Variants in TMTC1 observed in about 807,000 individuals in gnomAD.
The protein encoded by TMTC1 is protein O-mannosyl-transferase TMTC1.
Under a neutral mutation model 104.8 loss-of-function variants are expected in TMTC1, and 73 were observed. The ratio of observed to expected loss-of-function variants is 0.70; its 90% CI spans 0.58 to 0.85. The LOEUF (loss-of-function observed/expected upper bound fraction) is 0.85. Among genes scored for constraint, TMTC1 ranks in the 40% least tolerant of loss-of-function variants. The pLI, the probability that TMTC1 is intolerant of heterozygous loss-of-function variation, is 0.00. For missense variants in TMTC1, 1,035 were observed against 1,096.1 expected (o/e 0.94, Z 0.79); for synonymous variants, 434 against 428.7 (o/e 1.01, Z -0.15).
At chr12:29,681,134 T>G (rs1295924034) in intron 5 of TMTC1, among the ~76,000 whole-genome samples, 1 of 143,826 alleles carries the variant, frequency 7.0e-6, no homozygotes, top group African/African-American at 2.6e-5. Context: ...AAGATGAACA[T>G]GAAATATCTG....
chr12:29,719,527 T>C (rs1182718073), intron 5 of TMTC1, among the ~76,000 whole-genome samples: 1 of 152,208 alleles, frequency 6.6e-6, no homozygotes, highest in African/African-American at 2.4e-5. Flanking sequence ...ATAGCCAATG[T>C]CAATGCTTAG....
At chr12:29,755,488 A>G (rs961293266) in intron 4 of TMTC1, among the ~76,000 whole-genome samples, 5 of 152,214 alleles carry the variant, frequency 3.3e-5, no homozygotes, top group Admixed American at 3.3e-4. Flanking sequence ...GGGCTCACAA[A>G]AACTTCATAG....
chr12:29,603,951 T>C (rs1946630103), intron 7 of TMTC1, among the ~76,000 whole-genome samples: 1 of 152,232 alleles, frequency 6.6e-6, no homozygotes. Flanking sequence ...ATTTCACATT[T>C]AAACTATAAA....
rs1370583194 is a variant in TMTC1 at position 29,512,036 on chromosome 12, C to T, written c.2508+7G>A. On this transcript the variant is annotated splice_region_variant and intron_variant, in intron 17 of 17. Coordinates refer to ENST00000539277, the MANE Select transcript of TMTC1 (RefSeq NM_001193451.2). ...CCGGTCCACATGGGAGTGAATTATT[C>T]TCCTACCTTGATGTGTTGGATGCCA... 8 of 1,613,834 alleles carry T rather than the reference C, an allele frequency of 5.0e-6. No homozygotes were observed. The East Asian group carries it at 1.8e-4, about 36-fold the overall frequency.
chr12:29,759,176 A>G (rs1287192572), intron 2 of TMTC1, among the ~76,000 whole-genome samples: 1 of 152,218 alleles, frequency 6.6e-6, no homozygotes, highest in Non-Finnish European at 1.5e-5. Context: ...AGAACTAGAA[A>G]AAAGTAAGTT....
chr12:29,659,881 T>A, intron 5 of TMTC1: 1 of 1,532,456 alleles, frequency 6.5e-7, no homozygotes, highest in South Asian at 1.2e-5. Context: ...TATACTAACC[T>A]CGTAAGAATG....
At chr12:29,571,624 A>C (rs552896999) in intron 9 of TMTC1, among the ~76,000 whole-genome samples, 1 of 152,086 alleles carries the variant, frequency 6.6e-6, no homozygotes, top group African/African-American at 2.4e-5. Flanking sequence ...CGTATCCCCA[A>C]CATGGTAATC....
At chr12:29,705,225 G>A (rs191632473) in intron 5 of TMTC1, among the ~76,000 whole-genome samples, 3 of 152,250 alleles carry the variant, frequency 2.0e-5, no homozygotes, top group Admixed American at 1.3e-4. Context: ...TTCAAATCCC[G>A]GGTGCACAGG....
chr12:29,733,882 T>C (rs929054289), intron 5 of TMTC1, among the ~76,000 whole-genome samples: 9 of 152,252 alleles, frequency 5.9e-5, no homozygotes, highest in African/African-American at 1.9e-4. Flanking sequence ...AAGCTTCCCA[T>C]GTCTTTGCTT....
intron 10 of TMTC1, among the ~76,000 whole-genome samples, chr12:29,548,098 C>T (rs1380713735): frequency 2.0e-5 from 3 of 152,102 alleles, no homozygotes; most frequent in Non-Finnish European, 4.4e-5. Context: ...GAGGGAGCGC[C>T]TCAACTGAGA....
At chr12:29,660,016 C>T in intron 5 of TMTC1, 1 of 1,472,136 alleles carries the variant, frequency 6.8e-7, no homozygotes, top group Non-Finnish European at 9.1e-7. Context: ...GTGAGATTGC[C>T]ACCAATAATC....
At chr12:29,734,801 C>A (rs1485040936) in intron 5 of TMTC1, among the ~76,000 whole-genome samples, 1 of 152,064 alleles carries the variant, frequency 6.6e-6, no homozygotes. Flanking sequence ...GTAAATATTT[C>A]CAGGAGGCAT....
At chr12:29,600,795 G>C (rs1490292073) in intron 7 of TMTC1, among the ~76,000 whole-genome samples, 1 of 152,140 alleles carries the variant, frequency 6.6e-6, no homozygotes, top group African/African-American at 2.4e-5. Flanking sequence ...CATCTCCGGA[G>C]GGGGAAAGTA....
At chr12:29,624,722 A>C (rs1937885691) in intron 6 of TMTC1, among the ~76,000 whole-genome samples, 1 of 152,188 alleles carries the variant, frequency 6.6e-6, no homozygotes, top group Non-Finnish European at 1.5e-5. Flanking sequence ...GCATCACCTA[A>C]TATTTGACAA....
In TMTC1 at chr12:29,594,024, G is replaced by A. The variant is rs114814279; in HGVS notation, c.1250+10154C>T. Reference sequence around the variant, plus strand: ...ATAAGACCCACGACTGTTTATCACCGGAACTGTCCATATTCAGGGCCTGGC... The same window carrying A: ...ATAAGACCCACGACTGTTTATCACCAGAACTGTCCATATTCAGGGCCTGGC... On this transcript the variant is annotated intron_variant, in intron 7 of 17. Coordinates refer to ENST00000539277, the MANE Select transcript of TMTC1 (RefSeq NM_001193451.2). 9.2e-3 allele frequency among the ~76,000 whole-genome samples: 1,398 copies of A among 152,278 alleles called. 19 individuals carry two copies. The highest frequency in any genetic ancestry group is 0.032 in the African/African-American group (1,323 of 41,534).
At chr12:29,582,104 T>C (rs756579907) in intron 8 of TMTC1, among the ~76,000 whole-genome samples, 8 of 152,196 alleles carry the variant, frequency 5.3e-5, no homozygotes, top group Non-Finnish European at 1.0e-4. Flanking sequence ...AATAAAGTAA[T>C]AGGACATGCA....
intron 5 of TMTC1, among the ~76,000 whole-genome samples, chr12:29,635,983 T>C (rs111920524): frequency 2.0e-5 from 3 of 152,352 alleles, no homozygotes; most frequent in African/African-American, 7.2e-5. Flanking sequence ...ACCGTCAGAA[T>C]AAACTGAAAT....
intron 9 of TMTC1, among the ~76,000 whole-genome samples, chr12:29,557,441 TAAAACAAAAACA>T (rs544121791): frequency 2.0e-5 from 3 of 152,130 alleles, no homozygotes; most frequent in Non-Finnish European, 4.4e-5. Flanking sequence ...TAAACATCTT[TAAAACAAAAACA>T]AAAACAAAAA....
chr12:29,546,662 T>A (rs1027414054), intron 10 of TMTC1, among the ~76,000 whole-genome samples: 7 of 152,168 alleles, frequency 4.6e-5, no homozygotes, highest in African/African-American at 1.7e-4. Flanking sequence ...TTAGAAAAAA[T>A]GTTCAGGCAC....
Sources: gnomAD v4.1 joint callset for allele counts (sites outside exome capture counted in the v4.1 genomes callset) on GRCh38, gnomAD v4.1.1 for gene constraint, MANE v1.5 for transcripts, NCBI Gene and HGNC (gene_info 2026-07-23, HGNC 2026-07-21) for gene names.